SNTG1: variants seen among roughly 807,000 people sequenced by gnomAD.
SNTG1 encodes the protein gamma-1-syntrophin.
Under a neutral mutation model 74.7 loss-of-function variants are expected in SNTG1, and 39 were observed. The observed-to-expected ratio is 0.52, with a 90% CI of 0.40 to 0.68. The LOEUF (loss-of-function observed/expected upper bound fraction) is 0.68. SNTG1 is among the 30% of genes least tolerant of loss of function. SNTG1 has a pLI of 0.00. For synonymous variants in SNTG1, 254 were observed against 217.1 expected (o/e 1.17, Z -1.49); for missense variants, 685 against 609.5 (o/e 1.12, Z -1.30).
At position 50,338,187 on chromosome 8, in the gene SNTG1, T is replaced by A. The variant is rs528560746; in HGVS notation, c.-27-56025T>A. Among the ~76,000 whole-genome samples the A allele has an allele frequency of 2.9e-3, 444 of 152,160 alleles. 3 individuals are homozygous for A. The highest frequency in any genetic ancestry group is 0.01 in the African/African-American group (422 of 41,540). The stretch of plus-strand genomic sequence containing the variant: ...AATAAAAATAAGTATTTTTTGAGTT[T>A]GCATACAAACTCAAATGCAAAAAGG... On this transcript the variant is annotated intron_variant, in intron 2 of 18. Transcript: ENST00000642720.
chr8:50,471,909 C>G (rs1222762233), intron 8 of SNTG1, among the ~76,000 whole-genome samples: 1 of 152,012 alleles, frequency 6.6e-6, no homozygotes, highest in Non-Finnish European at 1.5e-5. Flanking sequence ...TTTCTATACA[C>G]TAACAATAAA....
intron 2 of SNTG1, among the ~76,000 whole-genome samples, chr8:50,199,718 A>G (rs2083914818): frequency 6.6e-6 from 1 of 152,118 alleles, no homozygotes; most frequent in African/African-American, 2.4e-5. Context: ...TATCTACAGG[A>G]TAGTATGGAA....
intron 12 of SNTG1, among the ~76,000 whole-genome samples, chr8:50,574,262 G>C (rs992306274): frequency 5.9e-5 from 9 of 151,902 alleles, no homozygotes; most frequent in Non-Finnish European, 1.0e-4. Context: ...TTCATCTTGG[G>C]TATTTAGTAT....
chr8:50,643,775 G>A (rs1033022984), intron 13 of SNTG1: 4 of 152,202 alleles, frequency 2.6e-5, no homozygotes, highest in Admixed American at 1.3e-4. Flanking sequence ...CTGGGGAGGG[G>A]AGCATTTCCT....
At chr8:50,104,135 G>A (rs1248635592) in intron 1 of SNTG1, among the ~76,000 whole-genome samples, 1 of 152,156 alleles carries the variant, frequency 6.6e-6, no homozygotes, top group East Asian at 1.9e-4. Context: ...CAGAAGGAAT[G>A]GTACCAGTTC....
intron 11 of SNTG1, among the ~76,000 whole-genome samples, chr8:50,542,231 A>C (rs1489814024): frequency 2.0e-5 from 3 of 147,148 alleles, no homozygotes; most frequent in Non-Finnish European, 4.5e-5. Context: ...TTCATGGCTC[A>C]CTGCAACCTC....
At chr8:50,257,232 T>C (rs560676352) in intron 2 of SNTG1, among the ~76,000 whole-genome samples, 4 of 152,236 alleles carry the variant, frequency 2.6e-5, no homozygotes, top group African/African-American at 9.6e-5. Context: ...ATCCAAGGAA[T>C]TGCAGATGAA....
At chr8:49,990,702 T>C (rs769603273) in intron 1 of SNTG1, among the ~76,000 whole-genome samples, 1 of 152,138 alleles carries the variant, frequency 6.6e-6, no homozygotes, top group Non-Finnish European at 1.5e-5. Flanking sequence ...GGCATTTTAA[T>C]GGAGAAAGAA....
At chr8:50,599,431 A>G (rs2094756479) in intron 13 of SNTG1, among the ~76,000 whole-genome samples, 1 of 152,074 alleles carries the variant, frequency 6.6e-6, no homozygotes, top group Non-Finnish European at 1.5e-5. Context: ...AATTGCATTG[A>G]GTCTGTAGAT....
At chr8:50,637,576 G>A (rs570003578) in intron 13 of SNTG1, among the ~76,000 whole-genome samples, 1 of 151,978 alleles carries the variant, frequency 6.6e-6, no homozygotes, top group African/African-American at 2.4e-5. Context: ...TTCCACTACA[G>A]TATTTAGTAC....
intron 2 of SNTG1, among the ~76,000 whole-genome samples, chr8:50,269,329 A>G (rs1266219618): frequency 6.6e-6 from 1 of 152,196 alleles, no homozygotes; most frequent in East Asian, 1.9e-4. Context: ...CAAATAATAT[A>G]ATATCTAGAA....
At chr8:49,974,842 G>A (rs1168263962) in intron 1 of SNTG1, among the ~76,000 whole-genome samples, 1 of 152,074 alleles carries the variant, frequency 6.6e-6, no homozygotes, top group Admixed American at 6.6e-5. Flanking sequence ...ATATATTATG[G>A]CATAAAAGAA....
At chr8:50,323,152 A>G (rs1357208586) in intron 2 of SNTG1, among the ~76,000 whole-genome samples, 1 of 151,290 alleles carries the variant, frequency 6.6e-6, no homozygotes, top group African/African-American at 2.4e-5. Context: ...TCAATATGTC[A>G]TTTGCATTTT....
intron 12 of SNTG1, among the ~76,000 whole-genome samples, chr8:50,554,483 T>G (rs976315886): frequency 2.0e-4 from 30 of 151,956 alleles, no homozygotes; most frequent in Admixed American, 1.4e-3. Flanking sequence ...TTTCCTTTTT[T>G]TTTTTTTTCT....
chr8:50,511,169 A>G (rs576353293), intron 9 of SNTG1, among the ~76,000 whole-genome samples: 2 of 152,296 alleles, frequency 1.3e-5, no homozygotes, highest in East Asian at 1.9e-4. Flanking sequence ...TCATTTAGTT[A>G]TATACCCAGT....
chr8:50,310,090 C>T (rs1563878439), intron 2 of SNTG1, among the ~76,000 whole-genome samples: 2 of 152,150 alleles, frequency 1.3e-5, no homozygotes, highest in Admixed American at 6.5e-5. Flanking sequence ...AGAAGATCCT[C>T]GTACATCTAA....
At chr8:50,130,274 C>T (rs1287951527) in intron 1 of SNTG1, among the ~76,000 whole-genome samples, 1 of 152,058 alleles carries the variant, frequency 6.6e-6, no homozygotes, top group Non-Finnish European at 1.5e-5. Context: ...GGGAGGTTCT[C>T]ACACAAAGCT....
intron 2 of SNTG1, among the ~76,000 whole-genome samples, chr8:50,181,679 C>T (rs1004642739): frequency 4.5e-4 from 68 of 152,022 alleles, no homozygotes; most frequent in African/African-American, 1.5e-3. Context: ...TGTGTAATTG[C>T]TAGTATGCAT....
chr8:50,315,574 T>C lies in SNTG1; in HGVS notation c.-27-78638T>C, dbSNP rs16914709. The stretch of plus-strand genomic sequence containing the variant: ...GATAGTGGAGAATCATATTGAAATG[T>C]TGAGTGGAATGACAAAATGCAGATT... On this transcript the variant is annotated intron_variant, in intron 2 of 18. Coordinates refer to ENST00000642720, the MANE Select transcript of SNTG1 (RefSeq NM_018967.5). Among the ~76,000 whole-genome samples, 863 of 150,082 alleles carry C rather than the reference T, an allele frequency of 5.8e-3. 72 individuals are homozygous for C. The highest frequency in any genetic ancestry group is 0.021 in the African/African-American group (827 of 40,340).
Sources: allele counts gnomAD v4.1 joint callset (sites outside exome capture counted in the v4.1 genomes callset), GRCh38; gene constraint gnomAD v4.1.1; transcripts MANE v1.5; gene names NCBI Gene and HGNC (gene_info 2026-07-23, HGNC 2026-07-21).